The following DCPS variants were observed in gnomAD, a reference collection of about 807,000 sequenced individuals.
The protein encoded by DCPS is decapping enzyme, scavenger, also known as m7GpppX diphosphatase.
DCPS carries 27 observed loss-of-function variants against 34.7 expected under a neutral mutation model. That is an observed-to-expected ratio of 0.78 (90% CI 0.57 to 1.07). The LOEUF (loss-of-function observed/expected upper bound fraction) is 1.07, where lower values mean the gene tolerates loss of function less well. Among genes scored for constraint, DCPS ranks in the 50% least tolerant of loss-of-function variants. DCPS has a pLI of 0.00. For synonymous variants in DCPS, 185 were observed against 185.7 expected, an observed-to-expected ratio of 1.00 and a Z score of 0.03; for missense variants, 464 against 436.9, an observed-to-expected ratio of 1.06 and a Z score of -0.55.
At chr11:126,308,338 C>T (rs995114464) in intron 2 of DCPS, among the ~76,000 whole-genome samples, 6 of 152,158 alleles carry the variant, frequency 3.9e-5, no homozygotes, top group South Asian at 2.1e-4. Context: ...CATTTAAGAG[C>T]GGTCTGGCTT....
Position 126,315,624 on chromosome 11 carries a change from G to C in DCPS, c.376+8880G>C, listed in dbSNP as rs571541498. Among the ~76,000 whole-genome samples the C allele has an allele frequency of 6.6e-6, 1 of 152,106 alleles. No individual in the cohort carries two copies. Among genetic ancestry groups the C allele is most frequent in the South Asian group, 2.1e-4 (1 of 4,816 alleles). ...CATTAAGGAGTATTTACATGATTGA[G>C]GCCATATTAATATGCATGCTCAACC... On this transcript the variant is annotated intron_variant, in intron 2 of 5. Transcript: ENST00000263579. This position sits in a 1 kb window ranked among gnomAD's most constrained non-coding sequence, Gnocchi z 6.1.
chr11:126,345,232 G>T lies in DCPS; in HGVS notation c.748-115G>T. ...GTAGAGAGCTGTTTGGAGGGTTTTT[G>T]TGAGCTGTCCCAGGCCAATCCAGGA... is the stretch of plus-strand genomic sequence containing the variant. On this transcript the variant is annotated intron_variant, in intron 5 of 5. Transcript: ENST00000263579. This position sits in a 1 kb window ranked among gnomAD's most constrained non-coding sequence, Gnocchi z 7.4. The T allele has an allele frequency of 6.9e-7, 1 of 1,450,332 alleles. No homozygotes were observed. The highest frequency in any genetic ancestry group is 2.0e-5 in the Admixed American group (1 of 50,242). 89.8% of individuals were successfully genotyped at this position (1,450,332 alleles called of 1,614,324 possible). A position where few individuals can be genotyped will look rare whatever the true frequency, so the allele number is the denominator to read the frequency against.
rs1951732150 is a variant in DCPS, at chr11:126,325,326, T to A, written c.377-6079T>A. ...TCATCATCATAGCATCAGTGTTGAATACTGATTTATCAAAAATTGTGGTAA... is the reference window on the plus strand; with the variant it reads ...TCATCATCATAGCATCAGTGTTGAAAACTGATTTATCAAAAATTGTGGTAA... On this transcript the variant is annotated intron_variant, in intron 2 of 5. Coordinates refer to ENST00000263579, the MANE Select transcript of DCPS (RefSeq NM_014026.6). The surrounding 1 kb of genome is among the most constrained non-coding windows in gnomAD (Gnocchi z 4.3). 6.6e-6 allele frequency among the ~76,000 whole-genome samples: 1 copy of A among 152,200 alleles called. No homozygotes were observed. The highest frequency in any genetic ancestry group is 1.5e-5 in the Non-Finnish European group (1 of 68,038).
Position 126,342,860 on chromosome 11 carries a change from A to G in DCPS, c.637-447A>G, listed in dbSNP as rs963618049. Among the ~76,000 whole-genome samples, 1 of 152,040 alleles carries G rather than the reference A, an allele frequency of 6.6e-6. No homozygotes were observed. Among genetic ancestry groups the G allele is most frequent in the East Asian group, 1.9e-4 (1 of 5,182 alleles). On this transcript the variant is annotated intron_variant, in intron 4 of 5. Coordinates refer to ENST00000263579, the MANE Select transcript of DCPS (RefSeq NM_014026.6). This position sits in a 1 kb window ranked among gnomAD's most constrained non-coding sequence, Gnocchi z 4.4. ...TTTGGGAGGCCGAGGCAGGCGGATC[A>G]TGAAGTCAGGAGTTTGAGACCAGCC...
chr11:126,348,084 G>A lies in DCPS; in HGVS notation c.*2471G>A, dbSNP rs181595878. On this transcript the variant is annotated 3_prime_UTR_variant, in exon 6 of 6. Coordinates refer to ENST00000263579, the MANE Select transcript of DCPS (RefSeq NM_014026.6). This position sits in a 1 kb window ranked among gnomAD's most constrained non-coding sequence, Gnocchi z 5.3. ...GGAAGGTGGGTAGGAATTTGACACC[G>A]GATAAATAAATGTTTGAGGGGCAAG... 1.7e-3 allele frequency among the ~76,000 whole-genome samples: 258 copies of A among 152,202 alleles called. 1 individual carries two copies. The highest frequency in any genetic ancestry group is 6.8e-3 in the Middle Eastern group (2 of 294).
At chr11:126,307,983 A>G (rs1053882176) in intron 2 of DCPS, among the ~76,000 whole-genome samples, 6 of 152,224 alleles carry the variant, frequency 3.9e-5, no homozygotes, top group African/African-American at 1.4e-4. Flanking sequence ...CTGGTGCTGC[A>G]AAAATCAGTC....
chr11:126,346,639 G>A lies in DCPS; in HGVS notation c.*1026G>A, dbSNP rs530764384. Among the ~76,000 whole-genome samples the A allele has an allele frequency of 1.8e-4, 28 of 152,324 alleles. No homozygotes were observed. Among genetic ancestry groups the A allele is most frequent in the Admixed American group, 1.7e-3 (26 of 15,304 alleles). Reference sequence around the variant, plus strand: ...GGTGTTTGCCACTTTGTCAGAGTAGGGCTGTGGATTTTGTGCCTTGCTTGG... The same window carrying A: ...GGTGTTTGCCACTTTGTCAGAGTAGAGCTGTGGATTTTGTGCCTTGCTTGG... On this transcript the variant is annotated 3_prime_UTR_variant, in exon 6 of 6. Coordinates refer to ENST00000263579, the MANE Select transcript of DCPS (RefSeq NM_014026.6). The surrounding 1 kb of genome is among the most constrained non-coding windows in gnomAD (Gnocchi z 4.1).
intron 2 of DCPS, among the ~76,000 whole-genome samples, chr11:126,330,713 A>ATTT (rs1951779589): frequency 4.1e-5 from 1 of 24,140 alleles, no homozygotes; most frequent in Non-Finnish European, 6.5e-5. Context: ...ATATATATAT[A>ATTT]TATATATTTT....
chr11:126,329,676 C>T lies in DCPS; in HGVS notation c.377-1729C>T, dbSNP rs553025219. On this transcript the variant is annotated intron_variant, in intron 2 of 5. Coordinates refer to ENST00000263579, the MANE Select transcript of DCPS (RefSeq NM_014026.6). This position sits in a 1 kb window ranked among gnomAD's most constrained non-coding sequence, Gnocchi z 5.0. ...GGTGAGATGGCCTCAGTTCCAGGTTCGCCTCTGCCACGTTTCACGGTGTGA... is the reference window on the plus strand; with the variant it reads ...GGTGAGATGGCCTCAGTTCCAGGTTTGCCTCTGCCACGTTTCACGGTGTGA... Among the ~76,000 whole-genome samples, 39 of 152,282 alleles carry T rather than the reference C, an allele frequency of 2.6e-4. No individual in the cohort carries two copies. Among genetic ancestry groups the T allele is most frequent in the Middle Eastern group, 6.8e-3 (2 of 294 alleles).
rs1484251367 is a variant in DCPS at position 126,328,637 on chromosome 11, A to AGGAGCCCCAGGCTG, written c.377-2760_377-2747dup. The stretch of plus-strand genomic sequence containing the variant: ...GGTGGCTTTCTGATCTGGAGCAGCC[A>AGGAGCCCCAGGCTG]GGAGCCCCAGGCTGGGAGCCCGGCT... On this transcript the variant is annotated intron_variant, in intron 2 of 5. Transcript: ENST00000263579. The surrounding 1 kb of genome is among the most constrained non-coding windows in gnomAD (Gnocchi z 6.6). 6.6e-6 allele frequency among the ~76,000 whole-genome samples: 1 copy of AGGAGCCCCAGGCTG among 152,116 alleles called. No homozygotes were observed. The highest frequency in any genetic ancestry group is 6.5e-5 in the Admixed American group (1 of 15,284).
intron 4 of DCPS, among the ~76,000 whole-genome samples, chr11:126,339,231 G>A (rs1951858416): frequency 6.6e-6 from 1 of 152,214 alleles, no homozygotes; most frequent in Non-Finnish European, 1.5e-5. Context: ...CATGGGTGCT[G>A]GGAGCAGACA....
rs532152317 is a variant in DCPS, at chr11:126,324,186, A to T, written c.377-7219A>T. Among the ~76,000 whole-genome samples the T allele has an allele frequency of 2.0e-5, 3 of 151,858 alleles. No homozygotes were observed. The East Asian group carries it at 5.8e-4, about 29-fold the overall frequency. ...TCACATAACAGATTGCAGTAGCAAA[A>T]TTTTTTTTTAGTATAATGTTTAAAT... On this transcript the variant is annotated intron_variant, in intron 2 of 5. Transcript: ENST00000263579.
rs1007821183 is a variant in DCPS at position 126,348,009 on chromosome 11, C to T, written c.*2396C>T. ...TGGAGGGTCTGACTCCACGGGCTCCCGCTGACCTTGCCGTTCCTTCCCCTC... is the reference window on the plus strand; with the variant it reads ...TGGAGGGTCTGACTCCACGGGCTCCTGCTGACCTTGCCGTTCCTTCCCCTC... On this transcript the variant is annotated 3_prime_UTR_variant, in exon 6 of 6. Transcript: ENST00000263579. This position sits in a 1 kb window ranked among gnomAD's most constrained non-coding sequence, Gnocchi z 5.3. Among the ~76,000 whole-genome samples, 5 of 152,038 alleles carry T rather than the reference C, an allele frequency of 3.3e-5. No individual in the cohort carries two copies. The highest frequency in any genetic ancestry group is 2.1e-4 in the South Asian group (1 of 4,820).
At chr11:126,310,835 C>G (rs1274631846) in intron 2 of DCPS, among the ~76,000 whole-genome samples, 1 of 152,252 alleles carries the variant, frequency 6.6e-6, no homozygotes, top group Non-Finnish European at 1.5e-5. Flanking sequence ...AGCCTCAGCC[C>G]TCTGTCCCCC....
intron 2 of DCPS, among the ~76,000 whole-genome samples, chr11:126,314,836 G>T (rs1163112236): frequency 6.6e-6 from 1 of 152,092 alleles, no homozygotes; most frequent in East Asian, 1.9e-4. Flanking sequence ...TAGAGGAAAG[G>T]GTGGGGAGTG....
Position 126,338,466 on chromosome 11 carries a change from T to C in DCPS, c.636+67T>C. The C allele has an allele frequency of 2.1e-6, 3 of 1,435,486 alleles. No individual in the cohort carries two copies. Among genetic ancestry groups the C allele is most frequent in the Non-Finnish European group, 2.9e-6 (3 of 1,018,420 alleles). The allele number at this position is 1,435,486 out of a possible 1,614,324, so 88.9% of individuals were successfully genotyped here. ...TGCTGTAAGTGCTGGTCCTTCTGAC[T>C]GCCCTCTTTCTCACGCTGGCCTGTC... On this transcript the variant is annotated intron_variant, in intron 4 of 5. Transcript: ENST00000263579. This position sits in a 1 kb window ranked among gnomAD's most constrained non-coding sequence, Gnocchi z 5.4.
chr11:126,307,018 A>G (rs774056779), intron 2 of DCPS, among the ~76,000 whole-genome samples: 4 of 152,002 alleles, frequency 2.6e-5, no homozygotes, highest in African/African-American at 4.8e-5. Flanking sequence ...ACAGCAAAGT[A>G]ATGTCAATAG....
intron 1 of DCPS, among the ~76,000 whole-genome samples, chr11:126,304,501 T>C (rs1403043353): frequency 1.3e-5 from 2 of 152,282 alleles, no homozygotes; most frequent in African/African-American, 4.8e-5. Flanking sequence ...ATTTTTCTAA[T>C]GTCTCCACTA....
At position 126,319,753 on chromosome 11, in the gene DCPS, C is replaced by T. The variant is rs566296026; in HGVS notation, c.377-11652C>T. 5.9e-5 allele frequency among the ~76,000 whole-genome samples: 9 copies of T among 152,262 alleles called. No individual in the cohort carries two copies. Among genetic ancestry groups the T allele is most frequent in the South Asian group, 2.1e-4 (1 of 4,824 alleles). On this transcript the variant is annotated intron_variant, in intron 2 of 5. Coordinates refer to ENST00000263579, the MANE Select transcript of DCPS (RefSeq NM_014026.6). This position sits in a 1 kb window ranked among gnomAD's most constrained non-coding sequence, Gnocchi z 4.5. ...GGCCCCAGCACAGGTATCTTAGGAA[C>T]GGCCCGAAAGAGGTTGGGCCTTTGG...
Sources: allele counts gnomAD v4.1 joint callset (sites outside exome capture counted in the v4.1 genomes callset), GRCh38; gene constraint gnomAD v4.1.1; non-coding constraint Gnocchi (gnomAD v3.1); transcripts MANE v1.5; gene names NCBI Gene and HGNC (gene_info 2026-07-23, HGNC 2026-07-21).